The following GRB10 variants were observed in gnomAD, a reference collection of about 807,000 sequenced individuals.
GRB10 encodes the protein growth factor receptor bound protein 10.
A neutral mutation model predicts 80.9 loss-of-function variants in GRB10; 20 were observed. That is an observed-to-expected ratio of 0.25 (90% CI 0.17 to 0.36). The LOEUF (loss-of-function observed/expected upper bound fraction) is 0.36. Among genes scored for constraint, GRB10 ranks in the 10% least tolerant of loss-of-function variants. The pLI is 1.00. For missense variants in GRB10, 548 were observed against 747.7 expected, an observed-to-expected ratio of 0.73 and a Z score of 3.12; for synonymous variants, 291 against 291.5, an observed-to-expected ratio of 1.00 and a Z score of 0.02.
chr7:50,767,233 G>A (rs945073532), intron 2 of GRB10, among the ~76,000 whole-genome samples: 1 of 152,138 alleles, frequency 6.6e-6, no homozygotes, highest in African/African-American at 2.4e-5. Flanking sequence ...CAGAATGCCC[G>A]CACAGATGCC....
At chr7:50,777,132 C>A (rs967119700) in intron 2 of GRB10, among the ~76,000 whole-genome samples, 2 of 152,082 alleles carry the variant, frequency 1.3e-5, no homozygotes, top group African/African-American at 4.8e-5. Flanking sequence ...GAGAGGAAGT[C>A]CAAGATCAAG....
At chr7:50,620,094 G>A (rs918631853) in intron 8 of GRB10, among the ~76,000 whole-genome samples, 3 of 152,212 alleles carry the variant, frequency 2.0e-5, no homozygotes, top group South Asian at 2.1e-4. Flanking sequence ...CAGAGAGGCC[G>A]CACTGCTCCC....
intron 4 of GRB10, among the ~76,000 whole-genome samples, chr7:50,717,446 G>C (rs1196880526): frequency 2.5e-5 from 1 of 40,136 alleles, no homozygotes; most frequent in Non-Finnish European, 5.2e-5. Flanking sequence ...TGAGAAGCTT[G>C]AAGAGTGTGT....
chr7:50,714,206 A>G (rs1477297640), intron 4 of GRB10, among the ~76,000 whole-genome samples: 2 of 152,250 alleles, frequency 1.3e-5, no homozygotes, highest in Non-Finnish European at 2.9e-5. Flanking sequence ...ATGTAGCAGT[A>G]CCTTAATCGA....
chr7:50,645,376 A>C lies in GRB10; in HGVS notation c.505-18398T>G, dbSNP rs2057015959. The stretch of plus-strand genomic sequence containing the variant: ...GCCTGCTACTTTTTCAGTACTAAAA[A>C]CCACACAACCCATGCAAAAATCACC... On this transcript the variant is annotated intron_variant, in intron 7 of 18. Coordinates refer to ENST00000401949, the MANE Select transcript of GRB10 (RefSeq NM_001350814.2). Among the ~76,000 whole-genome samples the C allele has an allele frequency of 2.0e-5, 3 of 152,244 alleles. 1 individual carries two copies. The highest frequency in any genetic ancestry group is 4.1e-4 in the South Asian group (2 of 4,828).
Position 50,658,493 on chromosome 7 carries a change from C to T in GRB10, c.504+11229G>A, listed in dbSNP as rs574166009. Reference sequence around the variant, plus strand: ...TGGCCACCGATAACCAATGACTGCACACTGCCCTTGCCTTTGAGTCCACAG... The same window carrying T: ...TGGCCACCGATAACCAATGACTGCATACTGCCCTTGCCTTTGAGTCCACAG... On this transcript the variant is annotated intron_variant, in intron 7 of 18. Transcript: ENST00000401949. Among the ~76,000 whole-genome samples the T allele has an allele frequency of 3.9e-5, 6 of 152,308 alleles. No homozygotes were observed. In the South Asian group the frequency reaches 8.3e-4, roughly 21 times the overall value.
chr7:50,641,941 G>A (rs967325174), intron 7 of GRB10, among the ~76,000 whole-genome samples: 5 of 152,186 alleles, frequency 3.3e-5, no homozygotes, highest in African/African-American at 1.2e-4. Context: ...CAGAGTACCA[G>A]GAAGTCTGCA....
intron 7 of GRB10, among the ~76,000 whole-genome samples, chr7:50,635,681 A>G (rs573036709): frequency 6.6e-6 from 1 of 152,110 alleles, no homozygotes; most frequent in Non-Finnish European, 1.5e-5. Context: ...GAGCACAATC[A>G]GAAATGAAAA....
intron 7 of GRB10, among the ~76,000 whole-genome samples, chr7:50,668,452 T>C (rs1334447129): frequency 6.6e-6 from 1 of 152,174 alleles, no homozygotes; most frequent in African/African-American, 2.4e-5. Flanking sequence ...CAGGCTCCGA[T>C]TCTGAGGCCG....
At chr7:50,689,526 C>T (rs549310684) in intron 5 of GRB10, among the ~76,000 whole-genome samples, 1 of 151,900 alleles carries the variant, frequency 6.6e-6, no homozygotes, top group Non-Finnish European at 1.5e-5. Flanking sequence ...GACCACAAGG[C>T]AGGCTCCTGG....
At chr7:50,735,415 A>T (rs2070631946) in intron 3 of GRB10, among the ~76,000 whole-genome samples, 1 of 151,468 alleles carries the variant, frequency 6.6e-6, no homozygotes, top group Admixed American at 6.6e-5. Flanking sequence ...TCCTAATGAT[A>T]TTTTTTTTTG....
In GRB10 at chr7:50,763,250, A is replaced by G. The variant is rs138506479; in HGVS notation, c.-216-7194T>C. On this transcript the variant is annotated intron_variant, in intron 2 of 18. Coordinates refer to ENST00000401949, the MANE Select transcript of GRB10 (RefSeq NM_001350814.2). Reference sequence around the variant, plus strand: ...AACATAAAAATGGGGAGAGGATAGAAGCAAACAATTTGCAAAACAGACATG... The same window carrying G: ...AACATAAAAATGGGGAGAGGATAGAGGCAAACAATTTGCAAAACAGACATG... Among the ~76,000 whole-genome samples the G allele has an allele frequency of 3.7e-4, 56 of 152,354 alleles. 1 individual carries two copies. Among genetic ancestry groups the G allele is most frequent in the South Asian group, 1.9e-3 (9 of 4,828 alleles).
chr7:50,691,094 A>C (rs2062762496), intron 5 of GRB10, among the ~76,000 whole-genome samples: 1 of 152,158 alleles, frequency 6.6e-6, no homozygotes, highest in South Asian at 2.1e-4. Flanking sequence ...AGTGGAAAGG[A>C]AGGAATAAGC....
intron 5 of GRB10, among the ~76,000 whole-genome samples, chr7:50,683,396 T>G (rs1223671500): frequency 6.6e-6 from 1 of 152,168 alleles, no homozygotes; most frequent in Non-Finnish European, 1.5e-5. Context: ...GTGAAGGTTG[T>G]GCAACCATGT....
At position 50,657,043 on chromosome 7, in the gene GRB10, C is replaced by T. The variant is rs529882889; in HGVS notation, c.504+12679G>A. Among the ~76,000 whole-genome samples, 84 of 152,268 alleles carry T rather than the reference C, an allele frequency of 5.5e-4. 2 individuals carry two copies. The South Asian group carries it at 0.015, about 27-fold the overall frequency. ...CACTGTGAAGTAGGTAAATATGGCA[C>T]AAATCGGTACTCATCAATGTAGGTA... On this transcript the variant is annotated intron_variant, in intron 7 of 18. Transcript: ENST00000401949.
intron 8 of GRB10, among the ~76,000 whole-genome samples, chr7:50,625,847 T>A (rs2052778475): frequency 6.6e-6 from 1 of 152,206 alleles, no homozygotes; most frequent in Non-Finnish European, 1.5e-5. Context: ...TTGTATAATA[T>A]TACCTGGAAG....
intron 2 of GRB10, among the ~76,000 whole-genome samples, chr7:50,765,534 G>A (rs77209643): frequency 0.012 from 1,887 of 152,310 alleles, 51 homozygotes; most frequent in African/African-American, 0.043. Context: ...TAACCTGGAA[G>A]ACAGGCATAG....
upstream of GRB10, among the ~76,000 whole-genome samples, chr7:50,783,724 G>C (rs1472459391): frequency 1.3e-5 from 2 of 152,222 alleles, no homozygotes; most frequent in African/African-American, 4.8e-5. Context: ...GTAGACAGCA[G>C]TAAGAACCTA....
At position 50,590,948 on chromosome 7, in the gene GRB10, G is replaced by C. The variant is rs1334627661; in HGVS notation, c.*2004C>G. ...GTCTATTGGAGAGAGGCGTGTGAGAGAGAGATTATACACTGATGGGACTGG... is the reference window on the plus strand; with the variant it reads ...GTCTATTGGAGAGAGGCGTGTGAGACAGAGATTATACACTGATGGGACTGG... On this transcript the variant is annotated 3_prime_UTR_variant, in exon 19 of 19. Transcript: ENST00000401949. 6.6e-6 allele frequency: 1 copy of C among 152,170 alleles called. No individual in the cohort carries two copies. The highest frequency in any genetic ancestry group is 2.4e-5 in the African/African-American group (1 of 41,434). The allele number at this position is 152,170 out of a possible 1,614,324, so 9.4% of individuals were successfully genotyped here.
Sources: gnomAD v4.1 joint callset for allele counts (sites outside exome capture counted in the v4.1 genomes callset) on GRCh38, gnomAD v4.1.1 for gene constraint, MANE v1.5 for transcripts, NCBI Gene and HGNC (gene_info 2026-07-23, HGNC 2026-07-21) for gene names.